PLD1: variants seen among roughly 807,000 people sequenced by gnomAD.
PLD1 encodes phospholipase D1.
In PLD1, 112 loss-of-function variants were observed where a neutral mutation model predicts 137.1. The observed-to-expected ratio is 0.82, with a 90% CI of 0.70 to 0.96. The LOEUF (loss-of-function observed/expected upper bound fraction) is 0.96. Among genes scored for constraint, PLD1 ranks in the 40% least tolerant of loss-of-function variants. PLD1 has a pLI of 0.00. For synonymous variants in PLD1, 431 were observed against 454.7 expected, an observed-to-expected ratio of 0.95 and a Z score of 0.66; for missense variants, 1,321 against 1,342.0, an observed-to-expected ratio of 0.98 and a Z score of 0.24.
chr3:171,755,216 C>T (rs76587693), intron 1 of PLD1, among the ~76,000 whole-genome samples: 2 of 152,068 alleles, frequency 1.3e-5, no homozygotes, highest in African/African-American at 4.8e-5. Context: ...TCTCTCACCC[C>T]CTTTTCAAAG....
chr3:171,778,506 A>C (rs75498654), intron 1 of PLD1, among the ~76,000 whole-genome samples: 3,372 of 152,234 alleles, frequency 0.022, 125 homozygotes, highest in African/African-American at 0.076. Flanking sequence ...GAGGTAGCAC[A>C]CTCCTTAGAT....
At chr3:171,730,858 C>T (rs1488237705) in intron 6 of PLD1, among the ~76,000 whole-genome samples, 2 of 152,116 alleles carry the variant, frequency 1.3e-5, no homozygotes, top group Non-Finnish European at 2.9e-5. Context: ...AGGCTGGTCT[C>T]GAACTCCTGA....
rs764392524 is a variant in PLD1, at chr3:171,620,461, C to T, written c.2653G>A (p.Glu885Lys). The T allele has an allele frequency of 8.8e-6, 14 of 1,597,568 alleles. No individual in the cohort carries two copies. The highest frequency in any genetic ancestry group is 2.2e-5 in the East Asian group (1 of 44,738). ...FCGLRTHAEL[E>K]GNLVTELIYV... ...ATAAGCTCAGTTACTAGGTTTCCTT[C>T]GAGCTCTGCATGTGTTCTAAGACCA... The change falls in exon 24 of 27, where the codon GAA (glutamate) becomes AAA (lysine). Residue 885 changes from glutamate (E) to lysine (K), a missense_variant. By Grantham distance (56) the Glu-to-Lys change is moderately conservative. Transcript: ENST00000351298.
intron 19 of PLD1, among the ~76,000 whole-genome samples, chr3:171,667,242 T>C (rs1712243468): frequency 6.6e-6 from 1 of 152,194 alleles, no homozygotes; most frequent in Non-Finnish European, 1.5e-5. Flanking sequence ...AAGGGAAGCC[T>C]CTGATTGTCG....
At chr3:171,663,749 A>C (rs56282807) in intron 19 of PLD1, among the ~76,000 whole-genome samples, 1,841 of 152,334 alleles carry the variant, frequency 0.012, 32 homozygotes, top group African/African-American at 0.038. Flanking sequence ...CACACAGAAG[A>C]ATTAGTATAA....
intron 1 of PLD1, among the ~76,000 whole-genome samples, chr3:171,741,525 G>A (rs1719770879): frequency 6.6e-6 from 1 of 152,200 alleles, no homozygotes; most frequent in African/African-American, 2.4e-5. Flanking sequence ...GGGCTTCAGT[G>A]TTTACACTTG....
At chr3:171,639,848 C>CTCTATATATATATATATA (rs3050415) in intron 23 of PLD1, among the ~76,000 whole-genome samples, 2 of 110,212 alleles carry the variant, frequency 1.8e-5, no homozygotes, top group African/African-American at 7.8e-5. Context: ...CTCTCTCTCT[C>CTCTATATATATATATATA]TATATATATA....
chr3:171,726,336 GGAGAGA>G (rs140543382), intron 6 of PLD1, among the ~76,000 whole-genome samples: 5 of 150,732 alleles, frequency 3.3e-5, no homozygotes, highest in African/African-American at 4.9e-5. Flanking sequence ...CAAGAAGCTT[GGAGAGA>G]GAGAGAGAGA....
intron 1 of PLD1, chr3:171,809,644 G>A (rs568920816): frequency 6.6e-6 from 1 of 152,426 alleles, no homozygotes; most frequent in East Asian, 1.9e-4. Flanking sequence ...CCGAGATGAG[G>A]AGGAGCAAAT....
intron 1 of PLD1, among the ~76,000 whole-genome samples, chr3:171,766,174 A>C (rs2108321382): frequency 6.6e-6 from 1 of 152,272 alleles, no homozygotes; most frequent in African/African-American, 2.4e-5. Flanking sequence ...AATATATACA[A>C]ATTTGAGGAA....
chr3:171,743,102 G>A (rs1055370858), intron 1 of PLD1, among the ~76,000 whole-genome samples: 8 of 152,148 alleles, frequency 5.3e-5, no homozygotes, highest in Non-Finnish European at 7.3e-5. Flanking sequence ...CAGCCCCAGG[G>A]TTGCAGTGTC....
intron 11 of PLD1, among the ~76,000 whole-genome samples, chr3:171,707,434 T>C (rs986849473): frequency 6.6e-6 from 1 of 152,220 alleles, no homozygotes; most frequent in Non-Finnish European, 1.5e-5. Context: ...TAGTACTCAC[T>C]GGCACAAATT....
intron 13 of PLD1, among the ~76,000 whole-genome samples, chr3:171,689,492 T>C (rs1189729402): frequency 7.0e-6 from 1 of 142,830 alleles, no homozygotes; most frequent in African/African-American, 2.5e-5. Context: ...CCTTCCCTCC[T>C]TCCTTCCTTC....
At position 171,644,972 on chromosome 3, in the gene PLD1, G is replaced by A. The variant is rs779830370; in HGVS notation, c.2481C>T (p.Phe827=). Residue 827 remains phenylalanine, a synonymous_variant, in exon 22 of 27, where the codon TTC becomes TTT. Coordinates refer to ENST00000351298, the MANE Select transcript of PLD1 (RefSeq NM_002662.5). The stretch of plus-strand genomic sequence containing the variant: ...CTCCGCCGGTTGAAATGTCTCCTTC[G>A]AACCCTGGCAGAAGTGGTATCACGA... The part of the protein sequence containing the change: ...VYVVIPLLPG[F]EGDISTGGGN... 5.0e-6 allele frequency: 8 copies of A among 1,613,790 alleles called. No homozygotes were observed. Among genetic ancestry groups the A allele is most frequent in the East Asian group, 2.2e-5 (1 of 44,888 alleles).
intron 1 of PLD1, among the ~76,000 whole-genome samples, chr3:171,782,535 A>T (rs928248594): frequency 1.3e-5 from 2 of 152,214 alleles, no homozygotes; most frequent in African/African-American, 4.8e-5. Context: ...GAATTGATGA[A>T]AGGATAAAGG....
chr3:171,791,544 AT>A (rs1250160192), intron 1 of PLD1, among the ~76,000 whole-genome samples: 1 of 152,048 alleles, frequency 6.6e-6, no homozygotes, highest in Non-Finnish European at 1.5e-5. Flanking sequence ...AGGGAAAAAA[AT>A]ATCAGGCCTG....
chr3:171,666,391 G>A (rs1016979611), intron 19 of PLD1: 1 of 152,190 alleles, frequency 6.6e-6, no homozygotes, highest in African/African-American at 2.4e-5. Context: ...GATCTCATGA[G>A]ACTTATTCAC....
chr3:171,769,136 A>C (rs1232980619), intron 1 of PLD1, among the ~76,000 whole-genome samples: 1 of 152,160 alleles, frequency 6.6e-6, no homozygotes, highest in Non-Finnish European at 1.5e-5. Flanking sequence ...GGAAAACCCT[A>C]AAATCTGGTT....
chr3:171,758,085 C>A (rs1721149003), intron 1 of PLD1, among the ~76,000 whole-genome samples: 1 of 152,300 alleles, frequency 6.6e-6, no homozygotes, highest in African/African-American at 2.4e-5. Context: ...ACATGCCAGG[C>A]ATGTGGTAGA....
Sources: allele counts gnomAD v4.1 joint callset (sites outside exome capture counted in the v4.1 genomes callset), GRCh38; gene constraint gnomAD v4.1.1; transcripts MANE v1.5; gene names NCBI Gene and HGNC (gene_info 2026-07-23, HGNC 2026-07-21).